Variants in NRXN3 observed in about 807,000 individuals in gnomAD.
NRXN3 encodes the protein neurexin III.
In NRXN3, 32 loss-of-function variants were observed where a neutral mutation model predicts 137.6. The observed-to-expected ratio is 0.23, with a 90% CI of 0.18 to 0.31. The LOEUF (loss-of-function observed/expected upper bound fraction) is 0.31. Ranked by LOEUF, NRXN3 falls within the 10% of genes least tolerant of loss-of-function variation. The pLI is 1.00. For synonymous variants in NRXN3, 798 were observed against 784.5 expected (o/e 1.02, Z -0.29); for missense variants, 1,574 against 2,062.5 (o/e 0.76, Z 4.59).
chr14:78,324,408 G>T (rs2079787766), intron 4 of NRXN3, among the ~76,000 whole-genome samples: 1 of 152,076 alleles, frequency 6.6e-6, no homozygotes, highest in African/African-American at 2.4e-5. Context: ...AACAGAGGAA[G>T]CTGTCAGAAA....
In NRXN3 at chr14:79,358,607, G is replaced by GAAAGAAAGAGAA. The variant is rs10667477; in HGVS notation, c.3263-108613_3263-108612insAAGAAAGAGAAA. 5.9e-4 allele frequency among the ~76,000 whole-genome samples: 47 copies of GAAAGAAAGAGAA among 79,984 alleles called. 2 individuals carry two copies. Among genetic ancestry groups the GAAAGAAAGAGAA allele is most frequent in the Middle Eastern group, 6.3e-3 (1 of 158 alleles). 52.5% of individuals were successfully genotyped at this position (79,984 alleles called of 152,430 possible). Reference sequence around the variant, plus strand: ...AGAGAGAAAGAAAGAAAGAAAGAAAGAGAAAGAAAGAAAGAAAGAAAGAAA... The same window carrying GAAAGAAAGAGAA: ...AGAGAGAAAGAAAGAAAGAAAGAAAGAAAGAAAGAGAAAGAAAGAAAGAAAGAAAGAAAGAAA... On this transcript the variant is annotated intron_variant, in intron 15 of 20. Transcript: ENST00000335750.
rs57855966 is a variant in NRXN3, at chr14:78,658,354, G to A, written c.1221+7028G>A. ...AGACAGAGACTAATACTGATTTCATGTATTTTTATGTAGGGAGCAAATGGG... is the reference window on the plus strand; with the variant it reads ...AGACAGAGACTAATACTGATTTCATATATTTTTATGTAGGGAGCAAATGGG... On this transcript the variant is annotated intron_variant, in intron 6 of 20. Coordinates refer to ENST00000335750, the MANE Select transcript of NRXN3 (RefSeq NM_001330195.2). Among the ~76,000 whole-genome samples, 1,300 of 152,278 alleles carry A rather than the reference G, an allele frequency of 8.5e-3. 25 individuals carry two copies. Among genetic ancestry groups the A allele is most frequent in the African/African-American group, 0.03 (1,248 of 41,554 alleles).
intron 4 of NRXN3, among the ~76,000 whole-genome samples, chr14:78,553,886 G>A (rs1443835020): frequency 6.6e-6 from 1 of 152,232 alleles, no homozygotes; most frequent in Non-Finnish European, 1.5e-5. Context: ...ATAAGGTGGA[G>A]GGGCAGGGGA....
intron 4 of NRXN3, 22 bp from the exon 5 acceptor site, chr14:78,645,098 T>C (rs1166339967): frequency 2.6e-6 from 4 of 1,521,566 alleles, no homozygotes; most frequent in Non-Finnish European, 3.5e-6. Flanking sequence ...GCTGATTGCT[T>C]TCCTCTTTTC....
At chr14:79,734,879 C>G (rs1329845208) in intron 19 of NRXN3, among the ~76,000 whole-genome samples, 1 of 152,080 alleles carries the variant, frequency 6.6e-6, no homozygotes, top group Admixed American at 6.6e-5. Context: ...ATGCTTGCAC[C>G]AAATCCCCAG....
rs566424904 is a variant in NRXN3, at chr14:78,810,101, A to ATG, written c.2249-205_2249-204dup. Reference sequence around the variant, plus strand: ...TATCTCTATACATATGTGTATATATATGTGTGTGTGTGTATATATATATGT... The same window carrying ATG: ...TATCTCTATACATATGTGTATATATATGTGTGTGTGTGTGTATATATATATGT... On this transcript the variant is annotated intron_variant, in intron 9 of 20. Transcript: ENST00000335750. Among the ~76,000 whole-genome samples the ATG allele has an allele frequency of 3.1e-4, 47 of 151,714 alleles. 1 individual carries two copies. The highest frequency in any genetic ancestry group is 4.7e-4 in the Non-Finnish European group (32 of 67,894).
intron 15 of NRXN3, among the ~76,000 whole-genome samples, chr14:79,075,624 T>C (rs569512326): frequency 8.5e-5 from 13 of 152,324 alleles, no homozygotes; most frequent in Non-Finnish European, 1.8e-4. Context: ...TCTTCCTTTC[T>C]GTCCAACTCT....
chr14:78,701,775 C>T (rs912067845), intron 6 of NRXN3, among the ~76,000 whole-genome samples: 1 of 152,174 alleles, frequency 6.6e-6, no homozygotes, highest in African/African-American at 2.4e-5. Flanking sequence ...GTCTTTTTAA[C>T]TTTTATTTTG....
At chr14:78,326,311 G>A (rs548122282) in intron 4 of NRXN3, among the ~76,000 whole-genome samples, 2 of 152,188 alleles carry the variant, frequency 1.3e-5, no homozygotes, top group Non-Finnish European at 2.9e-5. Context: ...TTGGCTGCTT[G>A]CAGCCTTAAC....
intron 16 of NRXN3, among the ~76,000 whole-genome samples, chr14:79,641,209 C>G (rs945343069): frequency 3.7e-5 from 5 of 133,988 alleles, no homozygotes; most frequent in African/African-American, 1.2e-4. Context: ...TGAGTTTCAC[C>G]ATGTTGGTCA....
At chr14:79,607,908 T>A (rs1414269084) in intron 16 of NRXN3, among the ~76,000 whole-genome samples, 2 of 152,120 alleles carry the variant, frequency 1.3e-5, no homozygotes, top group Non-Finnish European at 2.9e-5. Flanking sequence ...TAGACTGAAG[T>A]GATCCACCAG....
chr14:78,915,734 A>G (rs866854082), intron 10 of NRXN3, among the ~76,000 whole-genome samples: 1 of 152,094 alleles, frequency 6.6e-6, no homozygotes, highest in Non-Finnish European at 1.5e-5. Flanking sequence ...GGTGGGTCTC[A>G]GGGAAGAAAT....
rs368199330 is a variant in NRXN3 at position 78,238,028 on chromosome 14, A to G, written c.-703-4363A>G. On this transcript the variant is annotated intron_variant, in intron 1 of 20. Transcript: ENST00000335750. The stretch of plus-strand genomic sequence containing the variant: ...CTCAAGCTCAGCTAAAGCTCCAGGC[A>G]GTTGGAAAAGGGAGGAATGAAATTG... 6.6e-5 allele frequency among the ~76,000 whole-genome samples: 10 copies of G among 152,000 alleles called. No homozygotes were observed. The South Asian group carries it at 1.0e-3, about 16-fold the overall frequency.
At chr14:79,798,453 G>C (rs541625756) in intron 19 of NRXN3, among the ~76,000 whole-genome samples, 1 of 152,290 alleles carries the variant, frequency 6.6e-6, no homozygotes, top group Non-Finnish European at 1.5e-5. Flanking sequence ...TCTTTTTAGC[G>C]TGGAGCAGCT....
intron 16 of NRXN3, among the ~76,000 whole-genome samples, chr14:79,585,611 G>A (rs1053947789): frequency 4.0e-5 from 6 of 151,142 alleles, no homozygotes; most frequent in African/African-American, 1.2e-4. Context: ...CCTGAACCCG[G>A]GAGGCGGAGG....
chr14:78,432,198 C>T (rs1234100626), intron 4 of NRXN3, among the ~76,000 whole-genome samples: 1 of 152,138 alleles, frequency 6.6e-6, no homozygotes, highest in East Asian at 1.9e-4. Context: ...CATTGACTTG[C>T]CCTGCAGAAT....
At chr14:78,870,791 T>C (rs2099099536) in intron 10 of NRXN3, among the ~76,000 whole-genome samples, 1 of 151,988 alleles carries the variant, frequency 6.6e-6, no homozygotes, top group African/African-American at 2.4e-5. Context: ...GCAATATTTG[T>C]ATTTCTGTGC....
intron 4 of NRXN3, among the ~76,000 whole-genome samples, chr14:78,489,779 C>G (rs945674503): frequency 6.6e-6 from 1 of 151,718 alleles, no homozygotes; most frequent in Non-Finnish European, 1.5e-5. Context: ...AGAATTTGGG[C>G]GGGGTGGGAG....
intron 4 of NRXN3, among the ~76,000 whole-genome samples, chr14:78,639,264 A>C (rs1054725538): frequency 1.3e-5 from 2 of 152,202 alleles, no homozygotes; most frequent in Non-Finnish European, 2.9e-5. Flanking sequence ...AAAGTACTGC[A>C]CTGTGCTGCT....
Sources: gnomAD v4.1 joint callset for allele counts (sites outside exome capture counted in the v4.1 genomes callset) on GRCh38, gnomAD v4.1.1 for gene constraint, MANE v1.5 for transcripts, NCBI Gene and HGNC (gene_info 2026-07-23, HGNC 2026-07-21) for gene names.